Variants in MARCHF10 observed in about 807,000 individuals in gnomAD.
MARCHF10 encodes probable E3 ubiquitin-protein ligase MARCHF10.
In MARCHF10, 64 loss-of-function variants were observed where a neutral mutation model predicts 76.2. That is an observed-to-expected ratio of 0.84 (90% confidence interval 0.69 to 1.03). MARCHF10 has a LOEUF of 1.03. Among genes scored for constraint, MARCHF10 ranks in the 50% least tolerant of loss-of-function variants. The probability of loss-of-function intolerance (pLI) is 0.00; values close to 1 mark genes in which losing one functional copy is unlikely to be tolerated. For missense variants in MARCHF10, 875 were observed against 958.0 expected, an observed-to-expected ratio of 0.91 and a Z score of 1.14; for synonymous variants, 340 against 357.5, an observed-to-expected ratio of 0.95 and a Z score of 0.55.
chr17:62,731,480 G>T (rs933848079), intron 6 of MARCHF10, among the ~76,000 whole-genome samples: 1 of 151,994 alleles, frequency 6.6e-6, no homozygotes, highest in Admixed American at 6.6e-5. Flanking sequence ...CCAGGTGCTG[G>T]TCTCAAACTC....
chr17:62,730,712 G>A (rs1240534235), intron 6 of MARCHF10, among the ~76,000 whole-genome samples: 1 of 152,104 alleles, frequency 6.6e-6, no homozygotes, highest in Non-Finnish European at 1.5e-5. Context: ...TGCCCAATGT[G>A]GTGAAACCCT....
At chr17:62,771,298 C>A (rs2092441614) in intron 3 of MARCHF10, among the ~76,000 whole-genome samples, 1 of 151,840 alleles carries the variant, frequency 6.6e-6, no homozygotes, top group South Asian at 2.1e-4. Context: ...CTGAGAGAGA[C>A]CTCCCTATGG....
intron 9 of MARCHF10, among the ~76,000 whole-genome samples, chr17:62,707,979 T>G (rs1009190106): frequency 6.6e-6 from 1 of 151,974 alleles, no homozygotes; most frequent in Non-Finnish European, 1.5e-5. Flanking sequence ...GGTGGATGCA[T>G]CCCAGCTCCT....
chr17:62,732,714 C>T (rs898624715), intron 6 of MARCHF10, among the ~76,000 whole-genome samples: 8 of 151,920 alleles, frequency 5.3e-5, no homozygotes, highest in Non-Finnish European at 1.2e-4. Context: ...AAGATGGGGC[C>T]GGGCACGGTG....
intron 4 of MARCHF10, among the ~76,000 whole-genome samples, chr17:62,753,817 A>G (rs1177529239): frequency 6.6e-6 from 1 of 152,130 alleles, no homozygotes; most frequent in Non-Finnish European, 1.5e-5. Flanking sequence ...CTCACCCACC[A>G]GGCTGGGAGC....
chr17:62,798,905 G>A (rs2093029636), intron 2 of MARCHF10, among the ~76,000 whole-genome samples: 1 of 152,242 alleles, frequency 6.6e-6, no homozygotes, highest in Admixed American at 6.5e-5. Context: ...GGTACCAGCA[G>A]GAAGAGGGTC....
At position 62,736,535 on chromosome 17, in the gene MARCHF10, TTA is replaced by T. The variant is rs748015979; in HGVS notation, c.1331_1332del (p.Leu444Ter). On this transcript the variant is annotated frameshift_variant, in exon 6 of 11. Transcript: ENST00000311269. LOFTEE classifies it high-confidence loss of function. The stretch of plus-strand genomic sequence containing the variant: ...TAGTCAAGAGAATTTTGAGAACTGT[TTA>T]AATAGTCTTTCCAGTATCCTTCAGA... The part of the protein sequence containing the change: ...HDSEGYWKDY[L>X]NSSQNSLDYF... 6 of 1,614,204 alleles carry T rather than the reference TTA, an allele frequency of 3.7e-6. No individual in the cohort carries two copies. The East Asian group carries it at 1.1e-4, about 30-fold the overall frequency.
chr17:62,748,980 T>G (rs2091803390), intron 4 of MARCHF10, among the ~76,000 whole-genome samples: 1 of 152,174 alleles, frequency 6.6e-6, no homozygotes, highest in African/African-American at 2.4e-5. Context: ...GTTCAGGAGT[T>G]TCACTGCCAG....
At chr17:62,802,091 C>A (rs1598089200) in intron 1 of MARCHF10, among the ~76,000 whole-genome samples, 1 of 152,286 alleles carries the variant, frequency 6.6e-6, no homozygotes, top group East Asian at 1.9e-4. Flanking sequence ...AAGCAGTGAC[C>A]AAAGTTACAG....
intron 3 of MARCHF10, among the ~76,000 whole-genome samples, chr17:62,771,574 A>ATTTTT (rs1207861655): frequency 3.2e-5 from 4 of 126,272 alleles, no homozygotes; most frequent in Non-Finnish European, 4.8e-5. Context: ...GTCAATATCT[A>ATTTTT]TTTTTTTTTT....
At chr17:62,773,541 CT>C (rs1182350818) in intron 3 of MARCHF10, among the ~76,000 whole-genome samples, 1 of 152,148 alleles carries the variant, frequency 6.6e-6, no homozygotes, top group African/African-American at 2.4e-5. Context: ...CTGTTCTGTT[CT>C]TTTTTGCTGA....
intron 6 of MARCHF10, among the ~76,000 whole-genome samples, chr17:62,726,817 T>G (rs2090778331): frequency 6.6e-6 from 1 of 151,940 alleles, no homozygotes; most frequent in Non-Finnish European, 1.5e-5. Context: ...TTAGTAGAGA[T>G]AGGGTTTCAC....
At chr17:62,773,885 A>G (rs2092495380) in intron 3 of MARCHF10, among the ~76,000 whole-genome samples, 1 of 152,202 alleles carries the variant, frequency 6.6e-6, no homozygotes, top group Non-Finnish European at 1.5e-5. Context: ...AAGTTGAGTG[A>G]CTTTTCTCCA....
rs1238141799 is a variant in MARCHF10, at chr17:62,801,645, C to T, written c.90+1G>A. 1.9e-6 allele frequency: 3 copies of T among 1,613,290 alleles called. No individual in the cohort carries two copies. The highest frequency in any genetic ancestry group is 1.7e-5 in the Admixed American group (1 of 59,990). ...AGACCATTCTTGCTTTCTGCAATTA[C>T]CTGATACTCAGAGTCCACCTTATGC... On this transcript the variant is annotated splice_donor_variant, in intron 2 of 10. Transcript: ENST00000311269. LOFTEE classifies it high-confidence loss of function.
At chr17:62,753,104 C>G (rs1040588276) in intron 4 of MARCHF10, among the ~76,000 whole-genome samples, 2 of 152,068 alleles carry the variant, frequency 1.3e-5, no homozygotes, top group East Asian at 1.9e-4. Context: ...TTCTCTCTCT[C>G]TCTCTCTCTT....
chr17:62,801,327 G>A, intron 2 of MARCHF10, among the ~76,000 whole-genome samples: 1 of 151,902 alleles, frequency 6.6e-6, no homozygotes, highest in East Asian at 1.9e-4. Context: ...CTAATTTTTT[G>A]TATTTTTTGT....
intron 1 of MARCHF10, among the ~76,000 whole-genome samples, chr17:62,802,306 G>A (rs1159543474): frequency 1.3e-5 from 2 of 152,082 alleles, no homozygotes; most frequent in Middle Eastern, 3.4e-3. Flanking sequence ...TGCAACCTCC[G>A]CCTCCCGGGT....
chr17:62,757,742 G>A (rs1248071066), intron 4 of MARCHF10, among the ~76,000 whole-genome samples: 2 of 152,244 alleles, frequency 1.3e-5, no homozygotes, highest in African/African-American at 2.4e-5. Flanking sequence ...CAGTGATGAA[G>A]CTGGTGGTTT....
At chr17:62,752,091 A>G (rs2091914686) in intron 4 of MARCHF10, among the ~76,000 whole-genome samples, 1 of 151,832 alleles carries the variant, frequency 6.6e-6, no homozygotes, top group Non-Finnish European at 1.5e-5. Flanking sequence ...CCTTAGTGCC[A>G]TGCTACAGAG....
Sources: allele counts gnomAD v4.1 joint callset (sites outside exome capture counted in the v4.1 genomes callset), GRCh38; gene constraint gnomAD v4.1.1; transcripts MANE v1.5; gene names NCBI Gene and HGNC (gene_info 2026-07-23, HGNC 2026-07-21).